The following CRLS1 variants were observed in gnomAD, a reference collection of about 807,000 sequenced individuals.
CRLS1 encodes cardiolipin synthase (CMP-forming).
In CRLS1, 24 loss-of-function variants were observed where a neutral mutation model predicts 37.0. The observed-to-expected ratio is 0.65, with a 90% CI of 0.47 to 0.91. The LOEUF (loss-of-function observed/expected upper bound fraction) is 0.91. Among genes scored for constraint, CRLS1 ranks in the 40% least tolerant of loss-of-function variants. CRLS1 has a pLI of 0.00. For missense variants in CRLS1, 373 were observed against 395.8 expected (o/e 0.94, Z 0.49); for synonymous variants, 135 against 159.7 (o/e 0.85, Z 1.17).
At chr20:6,026,362 G>A (rs1254846130) in intron 3 of CRLS1, 1 of 149,008 alleles carries the variant, frequency 6.7e-6, no homozygotes, top group Non-Finnish European at 1.5e-5. Context: ...TATTTAGACA[G>A]TGCTACTACC....
chr20:6,012,030 GTT>G (rs11481861), intron 2 of CRLS1, among the ~76,000 whole-genome samples: 1 of 147,704 alleles, frequency 6.8e-6, no homozygotes. Context: ...TGTCTGCTAC[GTT>G]TTTTTTTTTC....
intron 5 of CRLS1, among the ~76,000 whole-genome samples, chr20:6,033,556 C>T (rs1421751448): frequency 6.6e-6 from 1 of 152,184 alleles, no homozygotes; most frequent in South Asian, 2.1e-4. Flanking sequence ...CCATGGAGTG[C>T]TTCTCATGAT....
At chr20:6,016,898 A>T (rs1034388472) in intron 3 of CRLS1, among the ~76,000 whole-genome samples, 3 of 152,194 alleles carry the variant, frequency 2.0e-5, no homozygotes, top group African/African-American at 7.2e-5. Flanking sequence ...CCAGATTTTT[A>T]GAGGTCTTAG....
At position 6,015,431 on chromosome 20, in the gene CRLS1, C is replaced by A. The variant is rs759395960; in HGVS notation, c.515C>A (p.Ala172Asp). 1.2e-6 allele frequency: 2 copies of A among 1,612,124 alleles called. No individual in the cohort carries two copies. Among genetic ancestry groups the A allele is most frequent in the Non-Finnish European group, 1.7e-6 (2 of 1,178,474 alleles). Reference sequence around the variant, plus strand: ...TTGGGAAGTGCTCTTGATCCACTTGCTGATAAAATACTTATCAGTATCTTA... The same window carrying A: ...TTGGGAAGTGCTCTTGATCCACTTGATGATAAAATACTTATCAGTATCTTA... ...SALGSALDPL[A>D]DKILISILYV... The change falls in exon 3 of 7, where the codon GCT (alanine) becomes GAT (aspartate). Residue 172 changes from alanine (A) to aspartate (D), a missense_variant. Ala to Asp is a moderately radical substitution (Grantham distance 126, BLOSUM62 -2). Coordinates refer to ENST00000378863, the MANE Select transcript of CRLS1 (RefSeq NM_019095.6).
chr20:6,022,278 A>G (rs1979333193), intron 3 of CRLS1, among the ~76,000 whole-genome samples: 1 of 142,332 alleles, frequency 7.0e-6, no homozygotes, highest in South Asian at 2.2e-4. Context: ...TGTTTAAGGT[A>G]TTGCTCAGTC....
chr20:6,035,229 C>A (rs535327930), intron 6 of CRLS1, among the ~76,000 whole-genome samples: 1 of 152,232 alleles, frequency 6.6e-6, no homozygotes, highest in African/African-American at 2.4e-5. Context: ...CTACTCTAAA[C>A]TTTTTATTTT....
At chr20:6,036,189 A>G (rs1302365450) in intron 6 of CRLS1, among the ~76,000 whole-genome samples, 3 of 152,128 alleles carry the variant, frequency 2.0e-5, no homozygotes, top group Admixed American at 1.3e-4. Flanking sequence ...GCCTCAAACA[A>G]TCCTCCTGCC....
At chr20:6,034,781 A>C (rs1980429124) in intron 6 of CRLS1, among the ~76,000 whole-genome samples, 2 of 152,174 alleles carry the variant, frequency 1.3e-5, no homozygotes. Context: ...TAATGTGTTA[A>C]GGGTTTTGGA....
chr20:6,029,358 C>CTTT, intron 3 of CRLS1, among the ~76,000 whole-genome samples: 1 of 127,578 alleles, frequency 7.8e-6, no homozygotes. Flanking sequence ...ATTTGCTGCT[C>CTTT]TTTTTTTTTT....
At chr20:6,015,761 A>G (rs1978696904) in intron 3 of CRLS1, 3 of 314,688 alleles carry the variant, frequency 9.5e-6, no homozygotes, top group African/African-American at 2.2e-5. Context: ...GCCAATTCAT[A>G]TTACTCTGAA....
At chr20:6,008,362 C>T (rs1353846259) in intron 1 of CRLS1, among the ~76,000 whole-genome samples, 1 of 152,148 alleles carries the variant, frequency 6.6e-6, no homozygotes, top group Non-Finnish European at 1.5e-5. Flanking sequence ...TATTTCTGTA[C>T]CCTGTTGTGC....
At chr20:6,026,842 CCTTCGCTTG>C (rs1186311687) in intron 3 of CRLS1, among the ~76,000 whole-genome samples, 3 of 152,066 alleles carry the variant, frequency 2.0e-5, no homozygotes, top group Non-Finnish European at 4.4e-5. Context: ...GGTATGTAGA[CCTTCGCTTG>C]ATCCCTATTG....
At chr20:6,024,249 C>T (rs1979497727) in intron 3 of CRLS1, among the ~76,000 whole-genome samples, 2 of 152,174 alleles carry the variant, frequency 1.3e-5, no homozygotes, top group Non-Finnish European at 2.9e-5. Flanking sequence ...AGCCACAGCA[C>T]CTGGTCTCTG....
At chr20:6,006,895 G>A (rs1162376848) in intron 1 of CRLS1, 3 of 868,058 alleles carry the variant, frequency 3.5e-6, no homozygotes, top group East Asian at 2.4e-4. Flanking sequence ...AATCCCCAGT[G>A]TTTAGGGCAA....
At chr20:6,027,771 T>G (rs760838522) in intron 3 of CRLS1, among the ~76,000 whole-genome samples, 1 of 152,210 alleles carries the variant, frequency 6.6e-6, no homozygotes, top group African/African-American at 2.4e-5. Flanking sequence ...CATCTGACTT[T>G]CTTTCCCCCC....
Position 6,015,470 on chromosome 20 carries a change from C to T in CRLS1, c.554C>T (p.Thr185Ile), listed in dbSNP as rs373154036. ...ILISILYVSL[T>I]YADLIPVPLT... ...ATCAGTATCTTATATGTTAGCTTGACCTATGCAGATCTTATTCCAGGTAAG... is the reference window on the plus strand; with the variant it reads ...ATCAGTATCTTATATGTTAGCTTGATCTATGCAGATCTTATTCCAGGTAAG... The change falls in exon 3 of 7, where the codon ACC becomes ATC. Residue 185 changes from threonine (T) to isoleucine (I), a missense_variant. Transcript: ENST00000378863. The T allele has an allele frequency of 9.3e-6, 15 of 1,613,150 alleles. No homozygotes were observed. Among genetic ancestry groups the T allele is most frequent in the Non-Finnish European group, 1.2e-5 (14 of 1,179,392 alleles).
rs1167803484 is a variant in CRLS1, at chr20:6,037,216, C to T, written c.*58C>T. 22 of 1,268,538 alleles carry T rather than the reference C, an allele frequency of 1.7e-5. No homozygotes were observed. The highest frequency in any genetic ancestry group is 7.9e-5 in the South Asian group (6 of 75,848). 78.6% of individuals were successfully genotyped at this position (1,268,538 alleles called of 1,614,324 possible). A position where few individuals can be genotyped will look rare whatever the true frequency, so the allele number is the denominator to read the frequency against. On this transcript the variant is annotated 3_prime_UTR_variant, in exon 7 of 7. Coordinates refer to ENST00000378863, the MANE Select transcript of CRLS1 (RefSeq NM_019095.6). ...AGTATACATCAATGGGAACAGGGCCCATGGAAATGTACAGGAGTTTCCCTA... is the reference window on the plus strand; with the variant it reads ...AGTATACATCAATGGGAACAGGGCCTATGGAAATGTACAGGAGTTTCCCTA...
Position 6,006,516 on chromosome 20 carries a change from GGGCGGCCAGTGGGGCCC to G in CRLS1, c.275_291del (p.Gly92GlufsTer7). On this transcript the variant is annotated frameshift_variant, in exon 1 of 7. Coordinates refer to ENST00000378863, the MANE Select transcript of CRLS1 (RefSeq NM_019095.6). ...GAGCGGGCGCCGCTGCCGAAGCCCCGGGCGGCCAGTGGGGCCCGGCGAGCACCCCCAGCCTGGTACGT... is the reference window on the plus strand; with the variant it reads ...GAGCGGGCGCCGCTGCCGAAGCCCCGGGCGAGCACCCCCAGCCTGGTACGT... The G allele has an allele frequency of 7.5e-7, 1 of 1,334,746 alleles. No homozygotes were observed. Among genetic ancestry groups the G allele is most frequent in the Non-Finnish European group, 9.5e-7 (1 of 1,051,054 alleles). The allele number at this position is 1,334,746 out of a possible 1,614,324, so 82.7% of individuals were successfully genotyped here.
intron 2 of CRLS1, among the ~76,000 whole-genome samples, chr20:6,011,735 A>G (rs1978332840): frequency 6.7e-6 from 1 of 149,054 alleles, no homozygotes; most frequent in Non-Finnish European, 1.5e-5. Context: ...ACTGGCATGC[A>G]CCACCATGCC....
Sources: gnomAD v4.1 joint callset for allele counts (sites outside exome capture counted in the v4.1 genomes callset) on GRCh38, gnomAD v4.1.1 for gene constraint, MANE v1.5 for transcripts, NCBI Gene and HGNC (gene_info 2026-07-23, HGNC 2026-07-21) for gene names.